Variants in TRIM4 observed in about 807,000 individuals in gnomAD.
TRIM4 encodes tripartite motif containing 4, also known as E3 ubiquitin-protein ligase TRIM4.
A neutral mutation model predicts 33.7 loss-of-function variants in TRIM4; 29 were observed. The observed-to-expected ratio is 0.86, with a 90% CI of 0.64 to 1.17. The LOEUF is 1.17. Ranked by LOEUF, TRIM4 falls within the 50% of genes most tolerant of loss-of-function variation. The probability of loss-of-function intolerance (pLI) is 0.00; values close to 1 mark genes in which losing one functional copy is unlikely to be tolerated. For missense variants in TRIM4, 554 were observed against 593.7 expected (o/e 0.93, Z 0.69); for synonymous variants, 224 against 233.0 (o/e 0.96, Z 0.35).
intron 5 of TRIM4, chr7:99,901,809 A>C: frequency 2.7e-6 from 1 of 370,968 alleles, no homozygotes; most frequent in Non-Finnish European, 4.8e-6. Context: ...TTTCACAGGC[A>C]TGTGCTGATC....
intron 1 of TRIM4, among the ~76,000 whole-genome samples, chr7:99,918,044 T>C (rs1357161993): frequency 6.6e-6 from 1 of 152,180 alleles, no homozygotes; most frequent in Non-Finnish European, 1.5e-5. Context: ...GTTACAGGAT[T>C]TTCCCAACTG....
chr7:99,914,567 TAAGCTG>T (rs1819510931), intron 1 of TRIM4, among the ~76,000 whole-genome samples: 1 of 152,200 alleles, frequency 6.6e-6, no homozygotes. Context: ...TGGCCCAACA[TAAGCTG>T]ACCGCTGCCT....
chr7:99,897,048 T>C (rs944788053), intron 5 of TRIM4, among the ~76,000 whole-genome samples: 1 of 152,294 alleles, frequency 6.6e-6, no homozygotes, highest in East Asian at 1.9e-4. Context: ...GAGACACTGG[T>C]TTGTTGCATA....
intron 5 of TRIM4, chr7:99,901,930 T>C: frequency 6.7e-6 from 4 of 600,384 alleles, no homozygotes; most frequent in Non-Finnish European, 1.2e-5. Flanking sequence ...CTCTCACTAC[T>C]TTGTTCTCCG....
chr7:99,893,850 C>G (rs1419983158), intron 5 of TRIM4, among the ~76,000 whole-genome samples: 1 of 152,066 alleles, frequency 6.6e-6, no homozygotes, highest in Non-Finnish European at 1.5e-5. Flanking sequence ...AAATTCCCTT[C>G]CCTCTAACTC....
chr7:99,894,826 T>C (rs1818981586), intron 5 of TRIM4, among the ~76,000 whole-genome samples: 1 of 152,248 alleles, frequency 6.6e-6, no homozygotes, highest in Non-Finnish European at 1.5e-5. Context: ...AAGGACTTCA[T>C]CCATTTCATC....
intron 1 of TRIM4, chr7:99,917,970 A>G: frequency 9.6e-6 from 4 of 417,458 alleles, no homozygotes; most frequent in Non-Finnish European, 1.3e-5. Context: ...AGTAAGGTAA[A>G]GTGATTTATT....
At position 99,903,612 on chromosome 7, in the gene TRIM4, GA is replaced by G; in HGVS notation, c.721-15del. 1 of 1,614,166 alleles carries G rather than the reference GA, an allele frequency of 6.2e-7. No homozygotes were observed. Among genetic ancestry groups the G allele is most frequent in the Non-Finnish European group, 8.5e-7 (1 of 1,180,014 alleles). On this transcript the variant is annotated splice_polypyrimidine_tract_variant and intron_variant, in intron 3 of 5. Coordinates refer to ENST00000349062, the MANE Select transcript of TRIM4 (RefSeq NM_033091.3). ...TTCTTTTGGATTCTGTGAAAAGAAGGAAGACATAAGCAAATTACGAACCTTC... is the reference window on the plus strand; with the variant it reads ...TTCTTTTGGATTCTGTGAAAAGAAGGAGACATAAGCAAATTACGAACCTTC...
At chr7:99,902,176 T>C (rs117674278) in intron 5 of TRIM4, 16,758 of 764,774 alleles carry the variant, frequency 0.022, 232 homozygotes, top group Middle Eastern at 0.047. Context: ...TTTTAGTTGC[T>C]GCAGACAAGA....
chr7:99,896,407 G>A (rs2572005), intron 5 of TRIM4, among the ~76,000 whole-genome samples: 97,146 of 152,110 alleles, frequency 0.64, 32,693 homozygotes, highest in African/African-American at 0.85. Context: ...CCTTTGATTC[G>A]GGTTAAATGG....
At position 99,892,040 on chromosome 7, in the gene TRIM4, C is replaced by T. The variant is rs1818902081; in HGVS notation, c.*123G>A. The T allele has an allele frequency of 1.4e-5, 12 of 887,682 alleles. No individual in the cohort carries two copies. The highest frequency in any genetic ancestry group is 5.4e-5 in the South Asian group (3 of 55,894). 55.0% of individuals were successfully genotyped at this position (887,682 alleles called of 1,614,324 possible). On this transcript the variant is annotated 3_prime_UTR_variant, in exon 6 of 6. Coordinates refer to ENST00000349062, the MANE Select transcript of TRIM4 (RefSeq NM_033091.3). ...ACAAAGGGCAGATACCAAACGGTAC[C>T]GTTAGGGAGACCCAGAAGATGGACC...
At chr7:99,896,697 A>C (rs899164726) in intron 5 of TRIM4, among the ~76,000 whole-genome samples, 3 of 152,232 alleles carry the variant, frequency 2.0e-5, no homozygotes, top group African/African-American at 7.2e-5. Flanking sequence ...TCAGGGGAGA[A>C]TCCACGGTGG....
In TRIM4 at chr7:99,916,963, A is replaced by G. The variant is rs147009839; in HGVS notation, c.393+2046T>C. 1.7e-3 allele frequency among the ~76,000 whole-genome samples: 254 copies of G among 152,362 alleles called. 1 individual carries two copies. The highest frequency in any genetic ancestry group is 5.9e-3 in the African/African-American group (244 of 41,594). On this transcript the variant is annotated intron_variant, in intron 1 of 5. Coordinates refer to ENST00000349062, the MANE Select transcript of TRIM4 (RefSeq NM_033091.3). ...TTCCCATGCTCCATGCTCCAGAAGT[A>G]CTGAGCAACCTCCAGTCCTCTCACA...
chr7:99,912,798 C>T (rs948558342), intron 1 of TRIM4, among the ~76,000 whole-genome samples: 2 of 152,088 alleles, frequency 1.3e-5, no homozygotes, highest in African/African-American at 4.8e-5. Context: ...AATAGGAAAA[C>T]AAAATTAAAT....
At chr7:99,895,774 T>A (rs1247794180) in intron 5 of TRIM4, among the ~76,000 whole-genome samples, 19 of 152,226 alleles carry the variant, frequency 1.2e-4, no homozygotes, top group Admixed American at 1.2e-3. Context: ...GACCACTTTA[T>A]CATTAGGATA....
intron 1 of TRIM4, among the ~76,000 whole-genome samples, chr7:99,911,332 G>C (rs768298237): frequency 6.6e-6 from 1 of 152,152 alleles, no homozygotes; most frequent in Non-Finnish European, 1.5e-5. Flanking sequence ...AACCAAGAGA[G>C]AATGGTTTCT....
At chr7:99,893,965 T>C (rs1231981371) in intron 5 of TRIM4, among the ~76,000 whole-genome samples, 2 of 148,612 alleles carry the variant, frequency 1.3e-5, no homozygotes, top group East Asian at 2.0e-4. Flanking sequence ...CACATGGTTT[T>C]CCTTTTTTTT....
At chr7:99,897,626 G>A (rs946789729) in intron 5 of TRIM4, among the ~76,000 whole-genome samples, 1 of 152,104 alleles carries the variant, frequency 6.6e-6, no homozygotes, top group Non-Finnish European at 1.5e-5. Flanking sequence ...ATGGGGGAAA[G>A]GCCTAGAAAA....
Position 99,919,365 on chromosome 7 carries a change from G to C in TRIM4, c.37C>G (p.Pro13Ala), listed in dbSNP as rs775448654. 3.8e-6 allele frequency: 6 copies of C among 1,577,282 alleles called. No homozygotes were observed. The highest frequency in any genetic ancestry group is 3.3e-4 in the Middle Eastern group (2 of 5,974). The change falls in exon 1 of 6, where the codon CCC becomes GCC. Residue 13 changes from proline to alanine, a missense_variant. Around this residue, in one of 3 missense-constraint regions of TRIM4, gnomAD observed 233 missense variants for 203.1 expected, o/e 1.15. Transcript: ENST00000349062. Reference sequence around the variant, plus strand: ...TCCTGGAAATAGTCCAGGCAGATGGGGCAGGTCAACTCCTCCTGGATGTCC... The same window carrying C: ...TCCTGGAAATAGTCCAGGCAGATGGCGCAGGTCAACTCCTCCTGGATGTCC... Reference protein sequence around the residue: ...AEDIQEELTCPICLDYFQDPV... With the variant: ...AEDIQEELTCAICLDYFQDPV...
Sources: allele counts gnomAD v4.1 joint callset (sites outside exome capture counted in the v4.1 genomes callset), GRCh38; gene constraint gnomAD v4.1.1; regional missense constraint gnomAD v4.1.1; transcripts MANE v1.5; gene names NCBI Gene and HGNC (gene_info 2026-07-23, HGNC 2026-07-21).